The following NOD2 variants were observed in gnomAD, a reference collection of about 807,000 sequenced individuals.
NOD2 encodes nucleotide binding oligomerization domain containing 2.
Under a neutral mutation model 90.9 loss-of-function variants are expected in NOD2, and 86 were observed. The observed-to-expected ratio is 0.95, with a 90% CI of 0.79 to 1.13. The LOEUF (loss-of-function observed/expected upper bound fraction) is 1.13. Ranked by LOEUF, NOD2 falls within the 50% of genes most tolerant of loss-of-function variation. The pLI is 0.00. For synonymous variants in NOD2, 581 were observed against 554.6 expected (o/e 1.05, Z -0.67); for missense variants, 1,238 against 1,283.8 (o/e 0.96, Z 0.55).
rs767456023 is a variant in NOD2 at position 50,710,757 on chromosome 16, C to T, written c.765C>T (p.Phe255=). 5 of 1,614,048 alleles carry T rather than the reference C, an allele frequency of 3.1e-6. No individual in the cohort carries two copies. In the Admixed American group the frequency reaches 8.3e-5, roughly 27 times the overall value. The change falls in exon 4 of 12, where the codon TTC becomes TTT. Residue 255 remains phenylalanine (F), a synonymous_variant. Coordinates refer to ENST00000647318, the MANE Select transcript of NOD2 (RefSeq NM_001370466.1). ...SPATLGLEEL[F]STPGHLNDDA... ...CCACCCTGGGCCTGGAGGAGCTCTT[C>T]AGCACCCCTGGCCACCTCAATGACG...
chr16:50,703,469 C>G (rs1397928384), intron 2 of NOD2, among the ~76,000 whole-genome samples: 1 of 151,922 alleles, frequency 6.6e-6, no homozygotes, highest in Non-Finnish European at 1.5e-5. Flanking sequence ...GAAACCCCGT[C>G]TCTACTAAAA....
chr16:50,729,882 G>T lies in NOD2; in HGVS notation c.2950G>T (p.Asp984Tyr). The T allele has an allele frequency of 1.9e-6, 3 of 1,612,794 alleles. No homozygotes were observed. The highest frequency in any genetic ancestry group is 1.1e-5 in the South Asian group (1 of 91,014). ...EALLQALERN[D>Y]TILEVWLRGN... The stretch of plus-strand genomic sequence containing the variant: ...CCTCCTGCAGGCCCTTGAAAGGAAT[G>T]ACACCATCCTGGAAGTCTGGTAAGG... The change falls in exon 11 of 12, where the codon GAC becomes TAC. Residue 984 changes from aspartate (D) to tyrosine (Y), a missense_variant. Transcript: ENST00000647318.
chr16:50,712,178 G>A lies in NOD2; in HGVS notation c.2186G>A (p.Arg729Gln), dbSNP rs375713299. 7.4e-5 allele frequency: 120 copies of A among 1,613,812 alleles called. No individual in the cohort carries two copies. Among genetic ancestry groups the A allele is most frequent in the South Asian group, 6.4e-4 (58 of 91,096 alleles). Residue 729 changes from arginine (R) to glutamine (Q), a missense_variant, in exon 4 of 12, where the codon CGG (arginine) becomes CAG (glutamine). Physicochemically the swap from Arg to Gln is conservative, Grantham distance 43. Around this residue, in one of 3 missense-constraint regions of NOD2, gnomAD observed 667 missense variants for 688.7 expected, o/e 0.97. Transcript: ENST00000647318. ...LYEMQEERLA[R>Q]KAARGLNVGH... ...GAGATGCAGGAGGAGCGGCTGGCTC[G>A]GAAGGCTGCACGTGGCCTGAATGTT...
chr16:50,720,092 A>G, intron 7 of NOD2, 84 bp downstream of exon 7: 1 of 1,303,586 alleles, frequency 7.7e-7, no homozygotes, highest in Non-Finnish European at 1.1e-6. Flanking sequence ...CTCTTCAGCC[A>G]GGAGGCCCCA....
chr16:50,716,607 C>T lies in NOD2; in HGVS notation c.2402C>T (p.Ser801Leu). The T allele has an allele frequency of 6.2e-7, 1 of 1,614,134 alleles. No homozygotes were observed. Among genetic ancestry groups the T allele is most frequent in the Non-Finnish European group, 8.5e-7 (1 of 1,179,986 alleles). ...TTTAGTTTGCGCGATAACAATATCT[C>T]AGACCGAGGCATCTGCAAGCTCATT... is the stretch of plus-strand genomic sequence containing the variant. Reference protein sequence around the residue: ...KALYLRDNNISDRGICKLIEC... With the variant: ...KALYLRDNNILDRGICKLIEC... Residue 801 changes from serine (S) to leucine (L), a missense_variant, in exon 5 of 12, where the codon TCA (serine) becomes TTA (leucine). Ser to Leu is a moderately radical substitution (Grantham distance 145). Coordinates refer to ENST00000647318, the MANE Select transcript of NOD2 (RefSeq NM_001370466.1).
At chr16:50,701,018 C>T (rs1164091073) in intron 2 of NOD2, among the ~76,000 whole-genome samples, 1 of 152,156 alleles carries the variant, frequency 6.6e-6, no homozygotes, top group East Asian at 1.9e-4. Flanking sequence ...TCCTGAGAGG[C>T]AGATGGAACA....
chr16:50,696,872 C>T (rs371543474), intron 1 of NOD2, among the ~76,000 whole-genome samples: 1 of 152,214 alleles, frequency 6.6e-6, no homozygotes. Context: ...AGAAGCCCAA[C>T]GTCACTAGCT....
chr16:50,731,789 C>T lies in NOD2; in HGVS notation c.3012C>T (p.Leu1004=), dbSNP rs201214915. The change falls in exon 12 of 12, where the codon CTC becomes CTT. Residue 1004 remains leucine, a synonymous_variant. Coordinates refer to ENST00000647318, the MANE Select transcript of NOD2 (RefSeq NM_001370466.1). The part of the protein sequence containing the change: ...NTFSLEEVDK[L]GCRDTRLLL ...TCTCTCTAGAGGAGGTTGACAAGCTCGGCTGCAGGGACACCAGACTCTTGC... is the reference window on the plus strand; with the variant it reads ...TCTCTCTAGAGGAGGTTGACAAGCTTGGCTGCAGGGACACCAGACTCTTGC... The T allele has an allele frequency of 3.0e-5, 48 of 1,613,806 alleles. No individual in the cohort carries two copies. The highest frequency in any genetic ancestry group is 5.5e-5 in the South Asian group (5 of 91,066).
intron 10 of NOD2, chr16:50,728,349 A>T: frequency 2.6e-6 from 1 of 384,588 alleles, no homozygotes. Flanking sequence ...GGCCAAATGC[A>T]TTGCTGATGT....
In NOD2 at chr16:50,722,606, CT is replaced by C. The variant is rs765874894; in HGVS notation, c.2634-12del. ...TACTCACTGACACTGTCTGTTGACT[CT>C]TTTGGCCTTTTCAGATTCTGGGGCA... On this transcript the variant is annotated splice_polypyrimidine_tract_variant and intron_variant, in intron 7 of 11. Transcript: ENST00000647318. 6.2e-7 allele frequency: 1 copy of C among 1,613,450 alleles called. No individual in the cohort carries two copies.
intron 10 of NOD2, chr16:50,727,884 G>A (rs1175492996): frequency 1.9e-5 from 6 of 311,564 alleles, no homozygotes; most frequent in Non-Finnish European, 1.9e-5. Flanking sequence ...GACCACCAGT[G>A]ACCATGACCT....
At chr16:50,718,041 G>T (rs1284482768) in intron 6 of NOD2, among the ~76,000 whole-genome samples, 1 of 152,198 alleles carries the variant, frequency 6.6e-6, no homozygotes, top group Non-Finnish European at 1.5e-5. Flanking sequence ...TAATAAAATA[G>T]AACAATTATA....
At chr16:50,726,967 C>T (rs574517976) in intron 10 of NOD2, among the ~76,000 whole-genome samples, 2 of 151,744 alleles carry the variant, frequency 1.3e-5, no homozygotes, top group Non-Finnish European at 2.9e-5. Flanking sequence ...ATGGAGAAAC[C>T]CCATCTCTAC....
rs949450377 is a variant in NOD2, at chr16:50,699,404, G to C, written c.-8-84G>C. Reference sequence around the variant, plus strand: ...AACCATGGCCAACTCGGGTTCTGCTGGGGCTGACTTGCCCTGGCCTTCCCT... The same window carrying C: ...AACCATGGCCAACTCGGGTTCTGCTCGGGCTGACTTGCCCTGGCCTTCCCT... On this transcript the variant is annotated intron_variant, in intron 1 of 11. Transcript: ENST00000647318. 6.2e-6 allele frequency: 7 copies of C among 1,137,910 alleles called. No homozygotes were observed. In the African/African-American group the frequency reaches 9.1e-5, roughly 15 times the overall value. The allele number at this position is 1,137,910 out of a possible 1,614,324, so 70.5% of individuals were successfully genotyped here. A position where few individuals can be genotyped will look rare whatever the true frequency, so the allele number is the denominator to read the frequency against.
chr16:50,731,460 C>A (rs1965449678), intron 11 of NOD2, among the ~76,000 whole-genome samples: 1 of 152,136 alleles, frequency 6.6e-6, no homozygotes, highest in Non-Finnish European at 1.5e-5. Flanking sequence ...TTGACAGATT[C>A]TCTTATTGCC....
chr16:50,708,124 T>C (rs542918612), intron 3 of NOD2, among the ~76,000 whole-genome samples, 164 bp downstream of exon 3: 1 of 152,300 alleles, frequency 6.6e-6, no homozygotes, highest in East Asian at 1.9e-4. Flanking sequence ...CTCATTGGGA[T>C]TTTGGGAGCA....
chr16:50,695,814 A>C (rs1963621631), intron 1 of NOD2, among the ~76,000 whole-genome samples: 1 of 151,988 alleles, frequency 6.6e-6, no homozygotes, highest in African/African-American at 2.4e-5. Flanking sequence ...GAGCAATGGG[A>C]GGTCACTGGT....
In NOD2 at chr16:50,710,573, A is replaced by G; in HGVS notation, c.581A>G (p.Lys194Arg). 2 of 1,614,204 alleles carry G rather than the reference A, an allele frequency of 1.2e-6. No homozygotes were observed. Among genetic ancestry groups the G allele is most frequent in the Admixed American group, 1.7e-5 (1 of 60,034 alleles). Residue 194 changes from lysine (K) to arginine (R), a missense_variant, in exon 4 of 12, where the codon AAG (lysine) becomes AGG (arginine). Coordinates refer to ENST00000647318, the MANE Select transcript of NOD2 (RefSeq NM_001370466.1). Reference protein sequence around the residue: ...ALPLEAATCKKYMAKLRTTVS... With the variant: ...ALPLEAATCKRYMAKLRTTVS... ...TGCCTTCCAGCTGCCACATGCAAGA[A>G]GTATATGGCCAAGCTGAGGACCACG...
At chr16:50,726,751 C>A (rs186204675) in intron 10 of NOD2, among the ~76,000 whole-genome samples, 85 of 152,282 alleles carry the variant, frequency 5.6e-4, no homozygotes, top group African/African-American at 1.9e-3. Context: ...ACTATATCAT[C>A]CCCCACAAAA....
Sources: allele counts gnomAD v4.1 joint callset (sites outside exome capture counted in the v4.1 genomes callset), GRCh38; gene constraint gnomAD v4.1.1; regional missense constraint gnomAD v4.1.1; transcripts MANE v1.5; gene names NCBI Gene and HGNC (gene_info 2026-07-23, HGNC 2026-07-21).